TBC1D16: variants seen among roughly 807,000 people sequenced by gnomAD.
TBC1D16 encodes the protein CTD-2529O21.1.
A neutral mutation model predicts 74.7 loss-of-function variants in TBC1D16; 58 were observed. That is an observed-to-expected ratio of 0.78 (90% CI 0.63 to 0.97). TBC1D16 has a LOEUF of 0.97. Among genes scored for constraint, TBC1D16 ranks in the 50% least tolerant of loss-of-function variants. The pLI, the probability that TBC1D16 is intolerant of heterozygous loss-of-function variation, is 0.00. For missense variants in TBC1D16, 1,014 were observed against 1,079.5 expected (o/e 0.94, Z 0.85); for synonymous variants, 493 against 474.7 (o/e 1.04, Z -0.50).
At chr17:79,999,901 A>G (rs2035419906) in intron 3 of TBC1D16, among the ~76,000 whole-genome samples, 2 of 151,996 alleles carry the variant, frequency 1.3e-5, no homozygotes, top group African/African-American at 4.8e-5. Flanking sequence ...GCCCATTTCT[A>G]TAGTGTCTTT....
In TBC1D16 at chr17:80,003,778, C is replaced by T. The variant is rs559563864; in HGVS notation, c.779+6382G>A. Among the ~76,000 whole-genome samples, 9 of 152,296 alleles carry T rather than the reference C, an allele frequency of 5.9e-5. No homozygotes were observed. In the South Asian group the frequency reaches 1.9e-3, roughly 32 times the overall value. On this transcript the variant is annotated intron_variant, in intron 3 of 11. Coordinates refer to ENST00000310924, the MANE Select transcript of TBC1D16 (RefSeq NM_019020.4). ...CATTTATATTCATCAGGGCCGGGCACGCGGCTCATGCCTGTAATCCCAGCA... is the reference window on the plus strand; with the variant it reads ...CATTTATATTCATCAGGGCCGGGCATGCGGCTCATGCCTGTAATCCCAGCA...
rs2035017073 is a variant in TBC1D16 at position 79,990,510 on chromosome 17, G to A, written c.779+19650C>T. 6.6e-6 allele frequency among the ~76,000 whole-genome samples: 1 copy of A among 152,224 alleles called. No individual in the cohort carries two copies. The highest frequency in any genetic ancestry group is 1.5e-5 in the Non-Finnish European group (1 of 68,038). ...CCAAGAAGGCAGTTCTCAAAAGGATGGGAAAACGTGCACCAGTCTCACAGT... is the reference window on the plus strand; with the variant it reads ...CCAAGAAGGCAGTTCTCAAAAGGATAGGAAAACGTGCACCAGTCTCACAGT... On this transcript the variant is annotated intron_variant, in intron 3 of 11. Transcript: ENST00000310924. This position sits in a 1 kb window ranked among gnomAD's most constrained non-coding sequence, Gnocchi z 4.8.
rs1369216786 is a variant in TBC1D16 at position 79,994,424 on chromosome 17, T to C, written c.779+15736A>G. The stretch of plus-strand genomic sequence containing the variant: ...AGAGAATATTTTGTTTTGTTTTGTT[T>C]TGTTTATTTTTTTATTGAGACGAAG... On this transcript the variant is annotated intron_variant, in intron 3 of 11. Transcript: ENST00000310924. This position sits in a 1 kb window ranked among gnomAD's most constrained non-coding sequence, Gnocchi z 4.6. Among the ~76,000 whole-genome samples the C allele has an allele frequency of 6.6e-6, 1 of 152,068 alleles. No homozygotes were observed. Among genetic ancestry groups the C allele is most frequent in the East Asian group, 1.9e-4 (1 of 5,192 alleles).
In TBC1D16 at chr17:80,008,620, C is replaced by T. The variant is rs1225096675; in HGVS notation, c.779+1540G>A. Reference sequence around the variant, plus strand: ...TGAGTCCGGCCTGCGGGACCCAGGCCAGGACCAGAGTTCGGGCCCCGCCTC... The same window carrying T: ...TGAGTCCGGCCTGCGGGACCCAGGCTAGGACCAGAGTTCGGGCCCCGCCTC... On this transcript the variant is annotated intron_variant, in intron 3 of 11. Coordinates refer to ENST00000310924, the MANE Select transcript of TBC1D16 (RefSeq NM_019020.4). The surrounding 1 kb of genome is among the most constrained non-coding windows in gnomAD (Gnocchi z 4.5). 6.6e-6 allele frequency among the ~76,000 whole-genome samples: 1 copy of T among 152,138 alleles called. No individual in the cohort carries two copies. Among genetic ancestry groups the T allele is most frequent in the Non-Finnish European group, 1.5e-5 (1 of 68,012 alleles).
intron 1 of TBC1D16, among the ~76,000 whole-genome samples, chr17:80,018,340 G>A (rs1202892148): frequency 6.7e-6 from 1 of 148,606 alleles, no homozygotes. Context: ...GGAGTGCAAC[G>A]GTGCAATCTC....
chr17:80,032,105 A>C (rs929897648), intron 1 of TBC1D16, among the ~76,000 whole-genome samples: 2 of 152,266 alleles, frequency 1.3e-5, no homozygotes, highest in East Asian at 1.9e-4. Context: ...CATTGAATTC[A>C]GGCTCACTCA....
chr17:79,989,105 G>A (rs2034963737), intron 3 of TBC1D16, among the ~76,000 whole-genome samples: 1 of 152,174 alleles, frequency 6.6e-6, no homozygotes, highest in African/African-American at 2.4e-5. Context: ...ATCCTTCTCA[G>A]GGCTCCACAT....
intron 1 of TBC1D16, among the ~76,000 whole-genome samples, chr17:80,024,434 A>C: frequency 1.9e-4 from 1 of 5,302 alleles, no homozygotes; most frequent in Non-Finnish European, 4.4e-4. Flanking sequence ...CACACTACAC[A>C]TCATAGACAC....
rs1387196195 is a variant in TBC1D16, at chr17:80,032,185, G to A, written c.-63+3610C>T. Among the ~76,000 whole-genome samples, 5 of 152,190 alleles carry A rather than the reference G, an allele frequency of 3.3e-5. No homozygotes were observed. The East Asian group carries it at 7.7e-4, about 23-fold the overall frequency. ...GATGCGGGCTTGGCACCCGCAGTAC[G>A]TTGGCTTCATAGTGACCAATCCAGA... On this transcript the variant is annotated intron_variant, in intron 1 of 11. Transcript: ENST00000310924.
rs1568590758 is a variant in TBC1D16, at chr17:79,960,793, A to AC, written c.780-7976_780-7975insG. 2.1e-4 allele frequency among the ~76,000 whole-genome samples: 30 copies of AC among 144,302 alleles called. No individual in the cohort carries two copies. The East Asian group carries it at 5.7e-3, about 28-fold the overall frequency. The allele number at this position is 144,302 out of a possible 152,430, so 94.7% of individuals were successfully genotyped here. A position where few individuals can be genotyped will look rare whatever the true frequency, so the allele number is the denominator to read the frequency against. On this transcript the variant is annotated intron_variant, in intron 3 of 11. Transcript: ENST00000310924. Reference sequence around the variant, plus strand: ...AAACAAAAACCCAAAAAAAAAAAAAAAAAAAAAAAAAAAAAACGAAGGAAT... The same window carrying AC: ...AAACAAAAACCCAAAAAAAAAAAAAACAAAAAAAAAAAAAAAACGAAGGAAT...
At position 79,941,153 on chromosome 17, in the gene TBC1D16, G is replaced by T; in HGVS notation, c.2056-46C>A. ...GTGAGGAGGGGCCGGGGGACAGCCT[G>T]GCAGCCTAGGGTCCCCATGGGAGTG... On this transcript the variant is annotated intron_variant, in intron 11 of 11. Coordinates refer to ENST00000310924, the MANE Select transcript of TBC1D16 (RefSeq NM_019020.4). This position sits in a 1 kb window ranked among gnomAD's most constrained non-coding sequence, Gnocchi z 4.3. The T allele has an allele frequency of 6.6e-7, 1 of 1,506,726 alleles. No homozygotes were observed. Among genetic ancestry groups the T allele is most frequent in the Non-Finnish European group, 9.0e-7 (1 of 1,117,008 alleles). The allele number at this position is 1,506,726 out of a possible 1,614,324, so 93.3% of individuals were successfully genotyped here.
rs1353916200 is a variant in TBC1D16 at position 79,949,618 on chromosome 17, A to C, written c.1406+99T>G. ...TTTTGAAAGAAACTATGGGTCACGA[A>C]ACATATTATCAATGCTGAATTGCAC... On this transcript the variant is annotated intron_variant, in intron 7 of 11. Transcript: ENST00000310924. The C allele has an allele frequency of 5.6e-6, 8 of 1,438,422 alleles. No homozygotes were observed. The East Asian group carries it at 1.8e-4, about 33-fold the overall frequency. 89.1% of individuals were successfully genotyped at this position (1,438,422 alleles called of 1,614,324 possible).
rs975085525 is a variant in TBC1D16, at chr17:80,001,536, C to T, written c.779+8624G>A. The stretch of plus-strand genomic sequence containing the variant: ...TGGAGCATCCTCAGGGGGCGGCGGG[C>T]GCTCTCGGGGTATCCCCGGGCGCCC... On this transcript the variant is annotated intron_variant, in intron 3 of 11. Coordinates refer to ENST00000310924, the MANE Select transcript of TBC1D16 (RefSeq NM_019020.4). This position sits in a 1 kb window ranked among gnomAD's most constrained non-coding sequence, Gnocchi z 5.8. Among the ~76,000 whole-genome samples the T allele has an allele frequency of 1.3e-5, 2 of 152,042 alleles. No homozygotes were observed. The highest frequency in any genetic ancestry group is 6.5e-5 in the Admixed American group (1 of 15,276).
intron 1 of TBC1D16, among the ~76,000 whole-genome samples, chr17:80,029,442 C>T (rs1013238064): frequency 5.3e-5 from 8 of 151,856 alleles, no homozygotes; most frequent in African/African-American, 1.9e-4. Context: ...CCCCTAGGAG[C>T]CACTTGGCCA....
rs554390924 is a variant in TBC1D16 at position 79,951,337 on chromosome 17, C to T, written c.1089+113G>A. ...CCAAAAACTACCGTGGGTCACACCCCGTAAGCCCCCGGGGCCCGGGGACCC... is the reference window on the plus strand; with the variant it reads ...CCAAAAACTACCGTGGGTCACACCCTGTAAGCCCCCGGGGCCCGGGGACCC... On this transcript the variant is annotated intron_variant, in intron 5 of 11. Transcript: ENST00000310924. The T allele has an allele frequency of 1.6e-4, 220 of 1,350,630 alleles. 2 individuals are homozygous for T. In the African/African-American group the frequency reaches 2.8e-3, roughly 17 times the overall value. The allele number at this position is 1,350,630 out of a possible 1,614,324, so 83.7% of individuals were successfully genotyped here. A position where few individuals can be genotyped will look rare whatever the true frequency, so the allele number is the denominator to read the frequency against.
chr17:79,969,629 G>A (rs542334856), intron 3 of TBC1D16, among the ~76,000 whole-genome samples: 35 of 152,044 alleles, frequency 2.3e-4, no homozygotes, highest in East Asian at 3.9e-4. Flanking sequence ...AATTCCACTC[G>A]TAGGTAGATA....
rs2036433489 is a variant in TBC1D16, at chr17:80,024,459, C to CACTACACAT, written c.-62-10851_-62-10850insATGTGTAGT. 9.2e-3 allele frequency among the ~76,000 whole-genome samples: 79 copies of CACTACACAT among 8,612 alleles called. 1 individual carries two copies. The highest frequency in any genetic ancestry group is 0.016 in the Non-Finnish European group (37 of 2,378). The allele number at this position is 8,612 out of a possible 152,430, so 5.6% of individuals were successfully genotyped here. A position where few individuals can be genotyped will look rare whatever the true frequency, so the allele number is the denominator to read the frequency against. ...ATCATAGACACACACACCACACACA[C>CACTACACAT]CATAGACACACACACCACACACCAT... On this transcript the variant is annotated intron_variant, in intron 1 of 11. Transcript: ENST00000310924.
rs181535606 is a variant in TBC1D16, at chr17:79,943,733, T to C, written c.1908+1175A>G. The stretch of plus-strand genomic sequence containing the variant: ...GTGGGCCTCCCGCTGGAATTCTGAC[T>C]AGATCTCATTACACTTGGGACACAG... On this transcript the variant is annotated intron_variant, in intron 10 of 11. Transcript: ENST00000310924. 5.4e-6 allele frequency: 5 copies of C among 920,886 alleles called. No individual in the cohort carries two copies. In the Admixed American group the frequency reaches 1.9e-4, roughly 35 times the overall value. The allele number at this position is 920,886 out of a possible 1,614,324, so 57.0% of individuals were successfully genotyped here.
intron 3 of TBC1D16, among the ~76,000 whole-genome samples, chr17:79,996,379 C>T (rs1382098535): frequency 6.6e-6 from 1 of 152,132 alleles, no homozygotes; most frequent in Admixed American, 6.5e-5. Context: ...ACACACAAAA[C>T]GATATTCGAC....
Sources: allele counts gnomAD v4.1 joint callset (sites outside exome capture counted in the v4.1 genomes callset), GRCh38; gene constraint gnomAD v4.1.1; non-coding constraint Gnocchi (gnomAD v3.1); transcripts MANE v1.5; gene names NCBI Gene and HGNC (gene_info 2026-07-23, HGNC 2026-07-21).